Variants in UNC13C observed in about 807,000 individuals in gnomAD.
UNC13C encodes the protein protein unc-13 homolog C.
Under a neutral mutation model 245.4 loss-of-function variants are expected in UNC13C, and 174 were observed. The observed-to-expected ratio is 0.71, with a 90% CI of 0.63 to 0.80. UNC13C has a LOEUF of 0.80. Ranked by LOEUF, UNC13C falls within the 30% of genes least tolerant of loss-of-function variation. UNC13C has a pLI of 0.00. For missense variants in UNC13C, 2,829 were observed against 2,602.9 expected, an observed-to-expected ratio of 1.09 and a Z score of -1.89; for synonymous variants, 992 against 895.1, an observed-to-expected ratio of 1.11 and a Z score of -1.93.
At chr15:54,026,982 G>A (rs1441884233) in intron 2 of UNC13C, among the ~76,000 whole-genome samples, 2 of 152,070 alleles carry the variant, frequency 1.3e-5, no homozygotes, top group African/African-American at 4.8e-5. Context: ...AAAATCCAAA[G>A]TGTTAAGAGA....
intron 18 of UNC13C, among the ~76,000 whole-genome samples, chr15:54,404,171 C>T (rs556525149): frequency 1.6e-4 from 24 of 152,158 alleles, no homozygotes; most frequent in African/African-American, 5.1e-4. Flanking sequence ...GATGCATACA[C>T]GACAGGCAGT....
intron 10 of UNC13C, among the ~76,000 whole-genome samples, chr15:54,279,100 C>T (rs1363946975): frequency 6.6e-6 from 1 of 152,158 alleles, no homozygotes; most frequent in Non-Finnish European, 1.5e-5. Context: ...AAGGGCAATA[C>T]TGCAGACAGA....
At chr15:54,258,562 T>C (rs34819792) in intron 8 of UNC13C, among the ~76,000 whole-genome samples, 17,111 of 151,836 alleles carry the variant, frequency 0.11, 1,220 homozygotes, top group Non-Finnish European at 0.15. Flanking sequence ...AGAGATGGAG[T>C]TCCACCATGT....
rs752989412 is a variant in UNC13C, at chr15:54,015,542, A to G, written c.2639A>G (p.Glu880Gly). The G allele has an allele frequency of 6.2e-7, 1 of 1,613,690 alleles. No individual in the cohort carries two copies. The highest frequency in any genetic ancestry group is 1.1e-5 in the South Asian group (1 of 91,062). ...GCTGACAATGAAACAGATTATGTTGAAGTCATGGAACAAGTCCTTGCTAAA... is the reference window on the plus strand; with the variant it reads ...GCTGACAATGAAACAGATTATGTTGGAGTCATGGAACAAGTCCTTGCTAAA... Reference protein sequence around the residue: ...PVADNETDYVEVMEQVLAKLE... With the variant: ...PVADNETDYVGVMEQVLAKLE... Residue 880 changes from glutamate (E) to glycine (G), a missense_variant, in exon 2 of 33, where the codon GAA becomes GGA. Coordinates refer to ENST00000260323, the MANE Select transcript of UNC13C (RefSeq NM_001080534.3).
downstream of UNC13C, chr15:54,630,292 T>C (rs770292118): frequency 1.3e-5 from 2 of 152,214 alleles, no homozygotes; most frequent in African/African-American, 2.4e-5. Flanking sequence ...CCTGCGCTAA[T>C]TTATCTACTT....
At chr15:54,239,164 C>A (rs900868686) in intron 7 of UNC13C, among the ~76,000 whole-genome samples, 1 of 152,116 alleles carries the variant, frequency 6.6e-6, no homozygotes, top group Non-Finnish European at 1.5e-5. Flanking sequence ...TATTATATTA[C>A]CCATTTTAAC....
intron 4 of UNC13C, among the ~76,000 whole-genome samples, chr15:54,234,823 G>T (rs950772717): frequency 6.6e-6 from 1 of 152,172 alleles, no homozygotes; most frequent in Non-Finnish European, 1.5e-5. Flanking sequence ...CCAAGAAGAT[G>T]AGTCGTCAGC....
intron 30 of UNC13C, among the ~76,000 whole-genome samples, chr15:54,614,594 T>C (rs182621289): frequency 6.6e-6 from 1 of 152,128 alleles, no homozygotes; most frequent in East Asian, 1.9e-4. Flanking sequence ...GAAAATTACT[T>C]TTTATTTACA....
At chr15:54,205,880 G>A (rs72748243) in intron 4 of UNC13C, among the ~76,000 whole-genome samples, 27,900 of 151,950 alleles carry the variant, frequency 0.18, 3,109 homozygotes, top group Middle Eastern at 0.29. Context: ...AAGTAATCCA[G>A]TCAGCTGAAA....
intron 4 of UNC13C, among the ~76,000 whole-genome samples, chr15:54,164,700 C>T (rs191947119): frequency 4.6e-5 from 7 of 152,264 alleles, no homozygotes; most frequent in Admixed American, 1.3e-4. Context: ...AGCTCAGTGT[C>T]AAATGTTCTG....
chr15:54,333,283 T>C (rs1277975316), intron 15 of UNC13C, among the ~76,000 whole-genome samples: 8 of 152,106 alleles, frequency 5.3e-5, no homozygotes, highest in Non-Finnish European at 8.8e-5. Flanking sequence ...TTAAAATCCA[T>C]AGTATTTCAG....
intron 2 of UNC13C, among the ~76,000 whole-genome samples, chr15:54,087,467 A>G (rs11071031): frequency 0.014 from 2,135 of 152,278 alleles, 58 homozygotes; most frequent in African/African-American, 0.048. Context: ...TATTTCACTC[A>G]TCTTTACCCA....
chr15:54,335,373 A>G (rs1464243736), intron 16 of UNC13C, among the ~76,000 whole-genome samples: 1 of 152,144 alleles, frequency 6.6e-6, no homozygotes, highest in African/African-American at 2.4e-5. Context: ...TCCTCCTATT[A>G]TCTTTTGAAC....
chr15:54,080,066 G>A (rs1171191351), intron 2 of UNC13C, among the ~76,000 whole-genome samples: 3 of 146,324 alleles, frequency 2.1e-5, no homozygotes, highest in South Asian at 4.4e-4. Flanking sequence ...TTTTGGCATC[G>A]ATTGAGAGGA....
intron 2 of UNC13C, 23 bp from the exon 3 acceptor site, chr15:54,142,995 T>G: frequency 1.2e-6 from 2 of 1,610,006 alleles, no homozygotes; most frequent in Non-Finnish European, 1.7e-6. Context: ...CATTTATCCC[T>G]TCTTTTCCTG....
chr15:54,137,633 A>G (rs11071048), intron 2 of UNC13C, among the ~76,000 whole-genome samples: 52,842 of 151,940 alleles, frequency 0.35, 10,923 homozygotes, highest in Non-Finnish European at 0.47. Context: ...GTGGTCTCTT[A>G]AGATCCTTTG....
chr15:54,201,725 T>A (rs1232646778), intron 4 of UNC13C, among the ~76,000 whole-genome samples: 2 of 151,890 alleles, frequency 1.3e-5, no homozygotes, highest in Non-Finnish European at 2.9e-5. Flanking sequence ...TGGGGAAAAG[T>A]TGAAAGCATT....
intron 17 of UNC13C, among the ~76,000 whole-genome samples, chr15:54,340,993 A>T (rs533902291): frequency 2.0e-5 from 3 of 152,202 alleles, no homozygotes; most frequent in African/African-American, 7.2e-5. Context: ...GGGAATGCTT[A>T]TACACTGTTG....
At chr15:54,326,520 A>G (rs1315418027) in intron 14 of UNC13C, among the ~76,000 whole-genome samples, 2 of 152,042 alleles carry the variant, frequency 1.3e-5, no homozygotes, top group Non-Finnish European at 2.9e-5. Context: ...AAAAGAGGCC[A>G]TGGGAAGGTA....
Sources: allele counts gnomAD v4.1 joint callset (sites outside exome capture counted in the v4.1 genomes callset), GRCh38; gene constraint gnomAD v4.1.1; transcripts MANE v1.5; gene names NCBI Gene and HGNC (gene_info 2026-07-23, HGNC 2026-07-21).